RFX1: variants seen among roughly 807,000 people sequenced by gnomAD.
RFX1 encodes MHC class II regulatory factor RFX1.
Under a neutral mutation model 119.6 loss-of-function variants are expected in RFX1, and 42 were observed. That is an observed-to-expected ratio of 0.35 (90% confidence interval 0.27 to 0.45). The LOEUF (loss-of-function observed/expected upper bound fraction) is 0.45. RFX1 is among the 20% of genes least tolerant of loss of function. The pLI is 1.00. For missense variants in RFX1, 1,118 were observed against 1,368.1 expected, an observed-to-expected ratio of 0.82 and a Z score of 2.88; for synonymous variants, 628 against 618.5, an observed-to-expected ratio of 1.02 and a Z score of -0.23.
At position 13,976,023 on chromosome 19, in the gene RFX1, G is replaced by A. The variant is rs144583909; in HGVS notation, c.929+1969C>T. Among the ~76,000 whole-genome samples, 16 of 152,374 alleles carry A rather than the reference G, an allele frequency of 1.1e-4. No homozygotes were observed. In the East Asian group the frequency reaches 2.7e-3, roughly 26 times the overall value. ...GAAGCAAAGGAGAGACAGGAGAGAC[G>A]CTACCAGGGATGGCAGCAGGAACCC... On this transcript the variant is annotated intron_variant, in intron 8 of 20. Coordinates refer to ENST00000254325, the MANE Select transcript of RFX1 (RefSeq NM_002918.5).
rs766959558 is a variant in RFX1 at position 13,965,815 on chromosome 19, T to C, written c.1962-38A>G. ...ACCCCACCCCGGGTCACTGGGGTAC[T>C]CTATGGTCCTGCCCCCATCGTCAGA... is the stretch of plus-strand genomic sequence containing the variant. On this transcript the variant is annotated intron_variant, in intron 14 of 20. Transcript: ENST00000254325. The surrounding 1 kb of genome is among the most constrained non-coding windows in gnomAD (Gnocchi z 4.7). The C allele has an allele frequency of 1.9e-6, 3 of 1,606,182 alleles. No homozygotes were observed. The highest frequency in any genetic ancestry group is 2.2e-5 in the South Asian group (2 of 90,416).
intron 4 of RFX1, chr19:13,982,952 C>G (rs1157852060): frequency 1.9e-6 from 1 of 540,164 alleles, no homozygotes. Flanking sequence ...ACCTTCCCAA[C>G]TATACATCTT....
Position 13,962,683 on chromosome 19 carries a change from G to GGC in RFX1, c.*11_*12insGC. ...GGGTGGCGGGGGCGGGTGGGGCGGGGAGGCCAAGGGCTTAGCTGGAGGGCA... is the reference window on the plus strand; with the variant it reads ...GGGTGGCGGGGGCGGGTGGGGCGGGGGCAGGCCAAGGGCTTAGCTGGAGGGCA... On this transcript the variant is annotated 3_prime_UTR_variant, in exon 21 of 21. Coordinates refer to ENST00000254325, the MANE Select transcript of RFX1 (RefSeq NM_002918.5). The GGC allele has an allele frequency of 1.1e-6, 1 of 878,494 alleles. No individual in the cohort carries two copies. Among genetic ancestry groups the GGC allele is most frequent in the Non-Finnish European group, 1.6e-6 (1 of 624,640 alleles). 54.4% of individuals were successfully genotyped at this position (878,494 alleles called of 1,614,324 possible).
chr19:13,985,226 G>T lies in RFX1; in HGVS notation c.320-1631C>A, dbSNP rs1339027746. On this transcript the variant is annotated intron_variant, in intron 2 of 20. Coordinates refer to ENST00000254325, the MANE Select transcript of RFX1 (RefSeq NM_002918.5). The surrounding 1 kb of genome is among the most constrained non-coding windows in gnomAD (Gnocchi z 4.3). ...ACAGGGTCTCACAGTTGCCCAGGCT[G>T]GAGTGCAGTGGCGCAATCTCTGCTC... 1.3e-5 allele frequency among the ~76,000 whole-genome samples: 2 copies of T among 149,968 alleles called. No homozygotes were observed. The highest frequency in any genetic ancestry group is 1.5e-5 in the Non-Finnish European group (1 of 67,650).
intron 1 of RFX1, among the ~76,000 whole-genome samples, chr19:14,002,464 G>A (rs1278694414): frequency 2.0e-5 from 3 of 152,080 alleles, no homozygotes; most frequent in East Asian, 3.9e-4. Context: ...CATCCTGGGC[G>A]ACAGAGTAGG....
In RFX1 at chr19:13,965,376, C is replaced by T. The variant is rs541722791; in HGVS notation, c.2211+73G>A. The T allele has an allele frequency of 3.3e-5, 45 of 1,368,180 alleles. No individual in the cohort carries two copies. The highest frequency in any genetic ancestry group is 1.2e-4 in the East Asian group (5 of 43,398). 84.8% of individuals were successfully genotyped at this position (1,368,180 alleles called of 1,614,324 possible). A position where few individuals can be genotyped will look rare whatever the true frequency, so the allele number is the denominator to read the frequency against. On this transcript the variant is annotated intron_variant, in intron 16 of 20. Coordinates refer to ENST00000254325, the MANE Select transcript of RFX1 (RefSeq NM_002918.5). This position sits in a 1 kb window ranked among gnomAD's most constrained non-coding sequence, Gnocchi z 4.7. ...GAACAGGCGTGGGGACAAATTTTACCGCCCCTGGGGAGCAGAGGAGACGGA... is the reference window on the plus strand; with the variant it reads ...GAACAGGCGTGGGGACAAATTTTACTGCCCCTGGGGAGCAGAGGAGACGGA...
rs970416141 is a variant in RFX1 at position 13,987,769 on chromosome 19, G to A, written c.320-4174C>T. On this transcript the variant is annotated intron_variant, in intron 2 of 20. Transcript: ENST00000254325. ...CACCTGCCAGAATGTGGAGTGGCAG[G>A]GAAATGAAATTCCCTGGGACCACTG... Among the ~76,000 whole-genome samples the A allele has an allele frequency of 2.0e-5, 3 of 152,170 alleles. No homozygotes were observed. The South Asian group carries it at 6.2e-4, about 32-fold the overall frequency.
intron 2 of RFX1, among the ~76,000 whole-genome samples, chr19:13,992,276 A>G (rs1974832149): frequency 6.6e-6 from 1 of 152,032 alleles, no homozygotes; most frequent in African/African-American, 2.4e-5. Flanking sequence ...CCATCTCTAA[A>G]CCAAAAAAAC....
intron 4 of RFX1, 46 bp downstream of exon 4, chr19:13,983,141 C>T: frequency 6.9e-7 from 1 of 1,450,708 alleles, no homozygotes; most frequent in Non-Finnish European, 9.4e-7. Context: ...TGGTCCTCCA[C>T]CCTGAGGGAG....
At chr19:13,979,202 G>A (rs1974352231) in intron 7 of RFX1, among the ~76,000 whole-genome samples, 1 of 152,220 alleles carries the variant, frequency 6.6e-6, no homozygotes, top group Non-Finnish European at 1.5e-5. Flanking sequence ...CCGCCGCCCG[G>A]GGTCTCGGAG....
chr19:13,980,577 TG>T lies in RFX1; in HGVS notation c.733del (p.Gln245LysfsTer21). On this transcript the variant is annotated frameshift_variant, in exon 6 of 21. Transcript: ENST00000254325. LOFTEE classifies it high-confidence loss of function. The surrounding 1 kb of genome is among the most constrained non-coding windows in gnomAD (Gnocchi z 5.1). ...HGVQQSVPVTQERSVVQATPQ... is the reference protein window; with the variant it reads ...HGVQQSVPVTXERSVVQATPQ... Reference sequence around the variant, plus strand: ...CTGCCCGCCTTGGCCTGGCACCTCTTGGGTGACGGGGACACTCTGCTGGACG... The same window carrying T: ...CTGCCCGCCTTGGCCTGGCACCTCTTGGTGACGGGGACACTCTGCTGGACG... 1 of 1,567,558 alleles carries T rather than the reference TG, an allele frequency of 6.4e-7. No individual in the cohort carries two copies. Among genetic ancestry groups the T allele is most frequent in the Non-Finnish European group, 8.6e-7 (1 of 1,163,498 alleles).
rs758281976 is a variant in RFX1, at chr19:13,966,579, C to T, written c.1852-49G>A. 1 of 1,526,764 alleles carries T rather than the reference C, an allele frequency of 6.5e-7. No homozygotes were observed. Among genetic ancestry groups the T allele is most frequent in the East Asian group, 2.3e-5 (1 of 43,342 alleles). 94.6% of individuals were successfully genotyped at this position (1,526,764 alleles called of 1,614,324 possible). A position where few individuals can be genotyped will look rare whatever the true frequency, so the allele number is the denominator to read the frequency against. ...GGAGGCTGGGGGGCAGCATGGCCCT[C>T]CCATGCCCGTGGCTGCGTCCCCGTC... On this transcript the variant is annotated intron_variant, in intron 13 of 20. Transcript: ENST00000254325. This position sits in a 1 kb window ranked among gnomAD's most constrained non-coding sequence, Gnocchi z 6.3.
rs1289402865 is a variant in RFX1 at position 13,962,801 on chromosome 19, G to T, written c.2834C>A (p.Ala945Asp). Residue 945 changes from alanine (A) to aspartate (D), a missense_variant, in exon 21 of 21, where the codon GCT (alanine) becomes GAT (aspartate). Physicochemically the swap from Ala to Asp is moderately radical, Grantham distance 126. This residue lies in a region of RFX1 where 138 missense variants were observed against 117.8 expected (regional missense o/e 1.17). Coordinates refer to ENST00000254325, the MANE Select transcript of RFX1 (RefSeq NM_002918.5). ...DELPQDISLA[A>D]GGESPALGPE... is the part of the protein sequence containing the mutation. The stretch of plus-strand genomic sequence containing the variant: ...GCCCAGCGCGGGTGACTCGCCGCCA[G>T]CCGCCAGTGAGATGTCCTGCGGCAG... 1 of 1,530,084 alleles carries T rather than the reference G, an allele frequency of 6.5e-7. No individual in the cohort carries two copies. The allele number at this position is 1,530,084 out of a possible 1,614,324, so 94.8% of individuals were successfully genotyped here.
At chr19:13,976,131 C>G (rs943731413) in intron 8 of RFX1, among the ~76,000 whole-genome samples, 5 of 152,324 alleles carry the variant, frequency 3.3e-5, no homozygotes, top group African/African-American at 1.2e-4. Context: ...ATTAGCAGCA[C>G]TGGAAAGAAA....
chr19:13,963,102 C>T lies in RFX1; in HGVS notation c.2724+20G>A. 1 of 1,610,072 alleles carries T rather than the reference C, an allele frequency of 6.2e-7. No individual in the cohort carries two copies. The highest frequency in any genetic ancestry group is 8.5e-7 in the Non-Finnish European group (1 of 1,178,076). ...CCGCCTGGCGCCCCGCCCGCGCCCC[C>T]AGTGGCCCGCCTCGCGCACCTCGCC... On this transcript the variant is annotated intron_variant, in intron 19 of 20. Coordinates refer to ENST00000254325, the MANE Select transcript of RFX1 (RefSeq NM_002918.5).
chr19:13,966,202 G>C lies in RFX1; in HGVS notation c.1961+219C>G, dbSNP rs1464758898. 1.3e-5 allele frequency among the ~76,000 whole-genome samples: 2 copies of C among 152,166 alleles called. No homozygotes were observed. The highest frequency in any genetic ancestry group is 2.9e-5 in the Non-Finnish European group (2 of 68,016). ...ACAGATTCCAGAACCTGCCACTCCAGGGAGAAGATGGTGCCCTGCCCCATG... is the reference window on the plus strand; with the variant it reads ...ACAGATTCCAGAACCTGCCACTCCACGGAGAAGATGGTGCCCTGCCCCATG... On this transcript the variant is annotated intron_variant, in intron 14 of 20. Coordinates refer to ENST00000254325, the MANE Select transcript of RFX1 (RefSeq NM_002918.5). The surrounding 1 kb of genome is among the most constrained non-coding windows in gnomAD (Gnocchi z 6.3).
At chr19:13,976,432 G>A (rs1011960350) in intron 8 of RFX1, among the ~76,000 whole-genome samples, 4 of 152,240 alleles carry the variant, frequency 2.6e-5, no homozygotes, top group Non-Finnish European at 4.4e-5. Flanking sequence ...GAGGACCCCC[G>A]GCGAGGAGCC....
chr19:13,969,182 C>CA lies in RFX1; in HGVS notation c.1497-289dup, dbSNP rs1973997900. On this transcript the variant is annotated intron_variant, in intron 10 of 20. Coordinates refer to ENST00000254325, the MANE Select transcript of RFX1 (RefSeq NM_002918.5). This position sits in a 1 kb window ranked among gnomAD's most constrained non-coding sequence, Gnocchi z 4.5. Reference sequence around the variant, plus strand: ...AACCGAGACGTGAGCGGAGGTGAGCCATGGGGGTTGCAAAGGAGAGGAAGA... The same window carrying CA: ...AACCGAGACGTGAGCGGAGGTGAGCCAATGGGGGTTGCAAAGGAGAGGAAGA... 1.3e-5 allele frequency among the ~76,000 whole-genome samples: 2 copies of CA among 152,084 alleles called. No individual in the cohort carries two copies. Among genetic ancestry groups the CA allele is most frequent in the African/African-American group, 4.8e-5 (2 of 41,412 alleles).
intron 3 of RFX1, 75 bp downstream of exon 3, chr19:13,983,411 G>A (rs1974493307): frequency 7.8e-7 from 1 of 1,287,560 alleles, no homozygotes; most frequent in Admixed American, 2.0e-5. Flanking sequence ...GAGGGGAGGT[G>A]AGGCCCCCGA....
Sources: gnomAD v4.1 joint callset for allele counts (sites outside exome capture counted in the v4.1 genomes callset) on GRCh38, gnomAD v4.1.1 for gene constraint, gnomAD v4.1.1 regional missense constraint, Gnocchi (gnomAD v3.1) non-coding constraint, MANE v1.5 for transcripts, NCBI Gene and HGNC (gene_info 2026-07-23, HGNC 2026-07-21) for gene names.